Variants in RBFOX1 observed in about 807,000 individuals in gnomAD.
RBFOX1 encodes the protein RNA binding fox-1 homolog 1, also known as RNA binding protein fox-1 homolog 1.
Under a neutral mutation model 57.7 loss-of-function variants are expected in RBFOX1, and 8 were observed. The observed-to-expected ratio is 0.14, with a 90% confidence interval of 0.08 to 0.25. RBFOX1 has a LOEUF of 0.25. Ranked by LOEUF, RBFOX1 falls within the 10% of genes least tolerant of loss-of-function variation. The probability of loss-of-function intolerance (pLI) is 1.00; values close to 1 mark genes in which losing one functional copy is unlikely to be tolerated. For synonymous variants in RBFOX1, 326 were observed against 222.4 expected (o/e 1.47, Z -4.15); for missense variants, 611 against 548.5 (o/e 1.11, Z -1.14).
At chr16:7,605,624 C>G (rs1024058689) in intron 9 of RBFOX1, among the ~76,000 whole-genome samples, 1 of 152,142 alleles carries the variant, frequency 6.6e-6, no homozygotes, top group Non-Finnish European at 1.5e-5. Flanking sequence ...ATGTTAAGAA[C>G]ACCTCTGGGC....
intron 4 of RBFOX1, among the ~76,000 whole-genome samples, chr16:5,899,144 C>CAAAAAAAAAAAAA (rs35163906): frequency 3.0e-5 from 3 of 100,082 alleles, no homozygotes; most frequent in Admixed American, 1.1e-4. Context: ...GACCCTGTCT[C>CAAAAAAAAAAAAA]AAAAAAAAAA....
chr16:6,412,140 AAAAAC>A lies in RBFOX1; in HGVS notation c.-64+95088_-64+95092del, dbSNP rs1454700712. On this transcript the variant is annotated intron_variant, in intron 2 of 15. Coordinates refer to ENST00000550418, the MANE Select transcript of RBFOX1 (RefSeq NM_018723.4). Reference sequence around the variant, plus strand: ...AGTGCAAGACTCCATGTAAAAAAAAAAAAACAAAAAAACAAAAAAACAAAAAAAAA... The same window carrying A: ...AGTGCAAGACTCCATGTAAAAAAAAAAAAAAAACAAAAAAACAAAAAAAAA... Among the ~76,000 whole-genome samples the A allele has an allele frequency of 7.4e-3, 1,057 of 142,984 alleles. 10 individuals carry two copies. The highest frequency in any genetic ancestry group is 0.02 in the South Asian group (94 of 4,626). The allele number at this position is 142,984 out of a possible 152,430, so 93.8% of individuals were successfully genotyped here.
At chr16:5,598,793 A>T in intron 2 of RBFOX1, 1 of 809,800 alleles carries the variant, frequency 1.2e-6, no homozygotes, top group Non-Finnish European at 1.9e-6. Flanking sequence ...CTGTGGCTAA[A>T]CGTGGTGAGA....
At chr16:5,634,300 T>C (rs1412385866) in intron 3 of RBFOX1, among the ~76,000 whole-genome samples, 1 of 152,214 alleles carries the variant, frequency 6.6e-6, no homozygotes, top group African/African-American at 2.4e-5. Flanking sequence ...TTATTTTCAC[T>C]TTCTCCATAC....
chr16:7,444,682 C>G lies in RBFOX1; in HGVS notation c.28-73465C>G, dbSNP rs117768508. 1.1e-4 allele frequency among the ~76,000 whole-genome samples: 17 copies of G among 152,130 alleles called. No individual in the cohort carries two copies. In the East Asian group the frequency reaches 1.8e-3, roughly 16 times the overall value. ...CAAGTAGCTGTACCATAGGTGCACA[C>G]CACCACACCTGGCTAATTTTTACAT... On this transcript the variant is annotated intron_variant, in intron 4 of 15. Coordinates refer to ENST00000550418, the MANE Select transcript of RBFOX1 (RefSeq NM_018723.4).
intron 2 of RBFOX1, among the ~76,000 whole-genome samples, chr16:6,427,354 G>C (rs1009021793): frequency 1.3e-5 from 2 of 152,132 alleles, no homozygotes; most frequent in African/African-American, 4.8e-5. Flanking sequence ...CCAGACCCCA[G>C]TCTATAGGAA....
intron 1 of RBFOX1, among the ~76,000 whole-genome samples, chr16:6,234,725 C>T (rs1018591834): frequency 2.6e-5 from 4 of 152,136 alleles, no homozygotes; most frequent in African/African-American, 4.8e-5. Context: ...GGGGCCTTTT[C>T]ATGGTGAAGA....
chr16:7,419,978 A>G (rs1265158104), intron 4 of RBFOX1, among the ~76,000 whole-genome samples: 1 of 138,338 alleles, frequency 7.2e-6, no homozygotes, highest in Non-Finnish European at 1.5e-5. Flanking sequence ...GTATGGTTTT[A>G]GAACCCAGTT....
chr16:6,902,614 C>G (rs2068762973), intron 3 of RBFOX1, among the ~76,000 whole-genome samples: 1 of 152,108 alleles, frequency 6.6e-6, no homozygotes, highest in African/African-American at 2.4e-5. Context: ...CCCAGCTATT[C>G]AGGAGGCTCA....
chr16:6,368,900 G>C (rs1054267564), intron 2 of RBFOX1, among the ~76,000 whole-genome samples: 7 of 152,294 alleles, frequency 4.6e-5, no homozygotes, highest in African/African-American at 1.7e-4. Context: ...AAGTAACGCA[G>C]TGGAATACTA....
chr16:6,643,118 T>C (rs1262312225), intron 2 of RBFOX1, among the ~76,000 whole-genome samples: 4 of 152,178 alleles, frequency 2.6e-5, no homozygotes, highest in African/African-American at 9.7e-5. Flanking sequence ...TAGTAAGTAA[T>C]TAGGGCTTAG....
intron 4 of RBFOX1, among the ~76,000 whole-genome samples, chr16:7,104,737 T>G (rs2151434541): frequency 6.6e-6 from 1 of 152,290 alleles, no homozygotes; most frequent in East Asian, 1.9e-4. Context: ...TAATGTTCAT[T>G]TTCTTCAACC....
intron 1 of RBFOX1, among the ~76,000 whole-genome samples, chr16:6,257,671 G>A (rs1024084327): frequency 3.9e-5 from 6 of 152,066 alleles, no homozygotes; most frequent in East Asian, 1.9e-4. Flanking sequence ...GAGACCATGC[G>A]GTATTTGGTT....
chr16:6,962,726 C>T (rs984996182), intron 3 of RBFOX1, among the ~76,000 whole-genome samples: 2 of 152,042 alleles, frequency 1.3e-5, no homozygotes, highest in Admixed American at 6.6e-5. Context: ...TAGTCAGGAG[C>T]AGTAGCATGT....
chr16:7,058,302 G>C (rs79801099), intron 4 of RBFOX1, among the ~76,000 whole-genome samples: 2 of 152,098 alleles, frequency 1.3e-5, no homozygotes, highest in African/African-American at 2.4e-5. Flanking sequence ...CTTTAGCAGG[G>C]CTGTAACACT....
rs529052603 is a variant in RBFOX1, at chr16:6,544,450, T to A, written c.-63-110153T>A. On this transcript the variant is annotated intron_variant, in intron 2 of 15. Transcript: ENST00000550418. ...TGGTCCAGCTTAGTTGAACGGATGTTCTGGGAGGCACTGTAATTTCCTGTT... is the reference window on the plus strand; with the variant it reads ...TGGTCCAGCTTAGTTGAACGGATGTACTGGGAGGCACTGTAATTTCCTGTT... 6.6e-5 allele frequency among the ~76,000 whole-genome samples: 10 copies of A among 152,340 alleles called. No homozygotes were observed. In the South Asian group the frequency reaches 1.0e-3, roughly 16 times the overall value.
At chr16:5,682,704 C>T (rs925331070) in intron 3 of RBFOX1, among the ~76,000 whole-genome samples, 3 of 152,126 alleles carry the variant, frequency 2.0e-5, no homozygotes, top group African/African-American at 4.8e-5. Context: ...CAAGGTTGTC[C>T]GAGTCTAACA....
intron 3 of RBFOX1, among the ~76,000 whole-genome samples, chr16:7,010,956 A>G (rs1344021247): frequency 6.6e-6 from 1 of 152,244 alleles, no homozygotes; most frequent in African/African-American, 2.4e-5. Flanking sequence ...GCCTTGGGCA[A>G]GAGGATAAAT....
At chr16:7,080,042 G>GTATATA (rs35162308) in intron 4 of RBFOX1, among the ~76,000 whole-genome samples, 357 of 142,080 alleles carry the variant, frequency 2.5e-3, no homozygotes, top group Non-Finnish European at 3.7e-3. Flanking sequence ...GTATATAGAT[G>GTATATA]TATATATATA....
Sources: allele counts gnomAD v4.1 joint callset (sites outside exome capture counted in the v4.1 genomes callset), GRCh38; gene constraint gnomAD v4.1.1; transcripts MANE v1.5; gene names NCBI Gene and HGNC (gene_info 2026-07-23, HGNC 2026-07-21).